The following SNX14 variants were observed in gnomAD, a reference collection of about 807,000 sequenced individuals.
The protein encoded by SNX14 is sorting nexin-14.
In SNX14, 93 loss-of-function variants were observed where a neutral mutation model predicts 133.8. The ratio of observed to expected loss-of-function variants is 0.70; its 90% CI spans 0.59 to 0.83. SNX14 has a LOEUF of 0.83. Among genes scored for constraint, SNX14 ranks in the 40% least tolerant of loss-of-function variants. The pLI, the probability that SNX14 is intolerant of heterozygous loss-of-function variation, is 0.00. For missense variants in SNX14, 945 were observed against 1,094.9 expected (o/e 0.86, Z 1.93); for synonymous variants, 368 against 365.6 (o/e 1.01, Z -0.07).
intron 13 of SNX14, 103 bp downstream of exon 13, chr6:85,543,502 T>C: frequency 9.2e-7 from 1 of 1,084,806 alleles, no homozygotes; most frequent in Non-Finnish European, 1.3e-6. Context: ...AATAGAATAA[T>C]AGCTGCCCAT....
At chr6:85,572,561 A>G (rs1795992751) in intron 2 of SNX14, among the ~76,000 whole-genome samples, 187 bp from the exon 3 acceptor site, 2 of 46,678 alleles carry the variant, frequency 4.3e-5, no homozygotes, top group Non-Finnish European at 7.2e-5. Context: ...TCAGAGAAAA[A>G]AATACCACAT....
At chr6:85,529,854 T>C (rs1779679921) in intron 19 of SNX14, among the ~76,000 whole-genome samples, 1 of 152,154 alleles carries the variant, frequency 6.6e-6, no homozygotes, top group Non-Finnish European at 1.5e-5. Context: ...TTTATAACTA[T>C]ATCCTTGATA....
Position 85,574,371 on chromosome 6 carries a change from GA to G in SNX14, c.147del (p.His50IlefsTer3). On this transcript the variant is annotated frameshift_variant, in exon 2 of 29. Coordinates refer to ENST00000314673, the MANE Select transcript of SNX14 (RefSeq NM_153816.6). LOFTEE classifies it high-confidence loss of function. Reference sequence around the variant, plus strand: ...AATGACCAGAAGATCATTAAAATATGAATATACCTTAAAAATAAATGAAAAT... The same window carrying G: ...AATGACCAGAAGATCATTAAAATATGATATACCTTAAAAATAAATGAAAAT... ...SAASLLLNRYIHILMIFWSFV... is the reference protein window; with the variant it reads ...SAASLLLNRYXHILMIFWSFV... 6.5e-7 allele frequency: 1 copy of G among 1,541,724 alleles called. No individual in the cohort carries two copies. The highest frequency in any genetic ancestry group is 8.8e-7 in the Non-Finnish European group (1 of 1,130,446).
At chr6:85,552,465 C>T (rs1442505763) in intron 7 of SNX14, among the ~76,000 whole-genome samples, 1 of 152,056 alleles carries the variant, frequency 6.6e-6, no homozygotes, top group Non-Finnish European at 1.5e-5. Flanking sequence ...TAGGGGCCTG[C>T]TAGGACCCCC....
chr6:85,559,598 C>A (rs938191379), intron 6 of SNX14, among the ~76,000 whole-genome samples: 1 of 152,176 alleles, frequency 6.6e-6, no homozygotes, highest in Non-Finnish European at 1.5e-5. Flanking sequence ...AAGGCCTAAT[C>A]TTTTGCCCAT....
At chr6:85,565,561 A>G (rs1289283473) in intron 5 of SNX14, 142 bp from the exon 6 acceptor site, 1 of 595,800 alleles carries the variant, frequency 1.7e-6, no homozygotes, top group Non-Finnish European at 3.0e-6. Flanking sequence ...TTCATTGCAG[A>G]AAAAAAGACA....
chr6:85,539,112 A>G (rs1235738205), intron 15 of SNX14, among the ~76,000 whole-genome samples: 1 of 152,190 alleles, frequency 6.6e-6, no homozygotes, highest in African/African-American at 2.4e-5. Flanking sequence ...TAAAAATTAA[A>G]TATGTTTTCT....
At chr6:85,541,273 G>A (rs1224333808) in intron 15 of SNX14, among the ~76,000 whole-genome samples, 2 of 152,130 alleles carry the variant, frequency 1.3e-5, no homozygotes, top group South Asian at 2.1e-4. Context: ...GATTACAGGC[G>A]TGAGCCACCG....
chr6:85,574,423 T>A, intron 1 of SNX14, 45 bp from the exon 2 acceptor site: 1 of 1,384,814 alleles, frequency 7.2e-7, no homozygotes, highest in Non-Finnish European at 9.9e-7. Flanking sequence ...AGAAAATGCC[T>A]AATTCTAAGT....
In SNX14 at chr6:85,593,733, G is replaced by C; in HGVS notation, c.-15C>G. The C allele has an allele frequency of 6.2e-7, 1 of 1,613,266 alleles. No homozygotes were observed. Among genetic ancestry groups the C allele is most frequent in the South Asian group, 1.1e-5 (1 of 91,064 alleles). ...CAGGGCACCATCTCCGTAACGGCGA[G>C]GCCGAGACTGCGCTACTGGCTGAGG... On this transcript the variant is annotated 5_prime_UTR_variant, in exon 1 of 29. Transcript: ENST00000314673.
chr6:85,527,029 G>A (rs781014296), intron 20 of SNX14, among the ~76,000 whole-genome samples: 7 of 152,088 alleles, frequency 4.6e-5, no homozygotes, highest in East Asian at 3.9e-4. Flanking sequence ...AGATCGTGCC[G>A]TTGCGCTCCA....
At chr6:85,581,733 ATAG>A (rs1168123016) in intron 1 of SNX14, 1 of 152,256 alleles carries the variant, frequency 6.6e-6, no homozygotes, top group East Asian at 1.9e-4. Context: ...GAGTCTCTTA[ATAG>A]TAGAAGTGAT....
intron 7 of SNX14, among the ~76,000 whole-genome samples, chr6:85,552,265 T>A (rs910282582): frequency 1.1e-4 from 16 of 152,054 alleles, no homozygotes; most frequent in African/African-American, 3.9e-4. Context: ...CTCGATCTCC[T>A]GACCTCGTGA....
chr6:85,572,631 G>A (rs944329964), intron 2 of SNX14, among the ~76,000 whole-genome samples: 5 of 152,074 alleles, frequency 3.3e-5, no homozygotes, highest in African/African-American at 1.2e-4. Flanking sequence ...CAATTGTTAT[G>A]ATCACTTAAA....
chr6:85,522,750 C>T (rs1262299146), intron 21 of SNX14, among the ~76,000 whole-genome samples: 1 of 152,144 alleles, frequency 6.6e-6, no homozygotes. Context: ...ATGATCAAGT[C>T]CAAATTCCTT....
At chr6:85,559,611 A>G (rs1790874545) in intron 6 of SNX14, among the ~76,000 whole-genome samples, 1 of 152,206 alleles carries the variant, frequency 6.6e-6, no homozygotes, top group Non-Finnish European at 1.5e-5. Flanking sequence ...TTGCCCATTA[A>G]CATTTGCTAA....
chr6:85,593,240 G>A (rs887923406), intron 1 of SNX14, among the ~76,000 whole-genome samples: 1 of 152,212 alleles, frequency 6.6e-6, no homozygotes, highest in Non-Finnish European at 1.5e-5. Context: ...TCCGTCAGCT[G>A]ACTTGACTGC....
At chr6:85,533,567 C>T in intron 18 of SNX14, 32 bp downstream of exon 18, 1 of 1,598,878 alleles carries the variant, frequency 6.3e-7, no homozygotes, top group South Asian at 1.1e-5. Flanking sequence ...TCATGGGCAT[C>T]TTTTAAGAAA....
chr6:85,532,411 T>C (rs1780575017), intron 18 of SNX14, among the ~76,000 whole-genome samples: 1 of 152,222 alleles, frequency 6.6e-6, no homozygotes, highest in Non-Finnish European at 1.5e-5. Flanking sequence ...CTGGGCATTC[T>C]TCCCTCCCAA....
Sources: allele counts gnomAD v4.1 joint callset (sites outside exome capture counted in the v4.1 genomes callset), GRCh38; gene constraint gnomAD v4.1.1; transcripts MANE v1.5; gene names NCBI Gene and HGNC (gene_info 2026-07-23, HGNC 2026-07-21).